The following URI1 variants were observed in gnomAD, a reference collection of about 807,000 sequenced individuals.
URI1 encodes URI1 prefoldin like chaperone, also known as unconventional prefoldin RPB5 interactor 1.
A neutral mutation model predicts 60.2 loss-of-function variants in URI1; 39 were observed. That is an observed-to-expected ratio of 0.65 (90% confidence interval 0.50 to 0.85). URI1 has a LOEUF of 0.85. Among genes scored for constraint, URI1 ranks in the 40% least tolerant of loss-of-function variants. URI1 has a pLI of 0.00. For missense variants in URI1, 691 were observed against 665.9 expected (o/e 1.04, Z -0.42); for synonymous variants, 251 against 236.8 (o/e 1.06, Z -0.55).
intron 9 of URI1, among the ~76,000 whole-genome samples, chr19:30,011,863 A>C (rs543864861): frequency 7.5e-6 from 1 of 133,620 alleles, no homozygotes; most frequent in Non-Finnish European, 1.6e-5. Flanking sequence ...ACACTTGGAC[A>C]CAGGGTGGGG....
rs569035513 is a variant in URI1 at position 29,980,082 on chromosome 19, T to C, written c.153-5141T>C. On this transcript the variant is annotated intron_variant, in intron 2 of 10. Transcript: ENST00000392271. ...TGAAAAAAATCATTATTTCTTGCTT[T>C]AGTAACTGGAGGACATCTCTTTATC... is the stretch of plus-strand genomic sequence containing the variant. 4 of 152,282 alleles carry C rather than the reference T, an allele frequency of 2.6e-5. No homozygotes were observed. In the South Asian group the frequency reaches 8.3e-4, roughly 32 times the overall value. The allele number at this position is 152,282 out of a possible 1,614,324, so 9.4% of individuals were successfully genotyped here.
intron 9 of URI1, 51 bp from the exon 10 acceptor site, chr19:30,012,234 C>A: frequency 6.7e-7 from 1 of 1,500,792 alleles, no homozygotes; most frequent in Non-Finnish European, 8.9e-7. Flanking sequence ...AAGTTGTTCT[C>A]AGTTTTATGA....
chr19:29,982,253 C>G (rs1450522781), intron 2 of URI1, among the ~76,000 whole-genome samples: 1 of 152,144 alleles, frequency 6.6e-6, no homozygotes, highest in Non-Finnish European at 1.5e-5. Context: ...TTAAACTGCT[C>G]TCCAGTATGT....
At chr19:29,957,826 C>G (rs2055269084) in intron 1 of URI1, among the ~76,000 whole-genome samples, 1 of 149,542 alleles carries the variant, frequency 6.7e-6, no homozygotes, top group Admixed American at 6.7e-5. Flanking sequence ...GTATATAAAT[C>G]TTCATGTGTT....
intron 1 of URI1, among the ~76,000 whole-genome samples, chr19:29,947,788 C>T (rs928414243): frequency 6.6e-6 from 1 of 152,204 alleles, no homozygotes; most frequent in East Asian, 1.9e-4. Context: ...GATCAACAGA[C>T]ATTTTTAATT....
chr19:29,933,084 T>A (rs1175477395), intron 1 of URI1, among the ~76,000 whole-genome samples: 1 of 152,252 alleles, frequency 6.6e-6, no homozygotes, highest in South Asian at 2.1e-4. Context: ...TGTGTTTATG[T>A]TCATAAGGAG....
intron 1 of URI1, among the ~76,000 whole-genome samples, chr19:29,962,669 TTTG>T (rs753866313): frequency 6.6e-6 from 1 of 151,968 alleles, no homozygotes; most frequent in Non-Finnish European, 1.5e-5. Context: ...AAGAGTCCTT[TTTG>T]TTGTTGTTGC....
At chr19:29,952,298 A>G (rs1305349195) in intron 1 of URI1, among the ~76,000 whole-genome samples, 1 of 152,260 alleles carries the variant, frequency 6.6e-6, no homozygotes, top group East Asian at 1.9e-4. Flanking sequence ...GAATACTGCC[A>G]CATGTCCTCT....
intron 1 of URI1, among the ~76,000 whole-genome samples, chr19:29,933,816 G>C (rs1049452243): frequency 2.0e-5 from 1 of 51,214 alleles, no homozygotes; most frequent in African/African-American, 8.3e-5. Flanking sequence ...AGTGAGACTC[G>C]ATCTCTTTAA....
At chr19:29,971,081 T>C (rs1271806708) in intron 1 of URI1, 112 bp from the exon 2 acceptor site, 1 of 981,948 alleles carries the variant, frequency 1.0e-6, no homozygotes, top group African/African-American at 1.6e-5. Context: ...AAATGTATAC[T>C]GAGATGCTAT....
At chr19:29,924,038 G>A (rs1038194553) in intron 1 of URI1, among the ~76,000 whole-genome samples, 28 of 152,122 alleles carry the variant, frequency 1.8e-4, no homozygotes, top group African/African-American at 5.3e-4. Context: ...GAGCTTCAAC[G>A]TCCCAGGGCA....
chr19:29,938,476 A>T (rs112038309), upstream of URI1, among the ~76,000 whole-genome samples: 92 of 152,206 alleles, frequency 6.0e-4, no homozygotes, highest in African/African-American at 2.0e-3. Flanking sequence ...CACTTCCAAC[A>T]TTAGGGATCA....
At position 29,942,641 on chromosome 19, in the gene URI1, C is replaced by T. The variant is rs761282463; in HGVS notation, c.94C>T (p.Arg32Trp). 2.5e-5 allele frequency: 37 copies of T among 1,456,212 alleles called. No individual in the cohort carries two copies. The highest frequency in any genetic ancestry group is 3.2e-5 in the Non-Finnish European group (35 of 1,106,848). The allele number at this position is 1,456,212 out of a possible 1,614,324, so 90.2% of individuals were successfully genotyped here. A position where few individuals can be genotyped will look rare whatever the true frequency, so the allele number is the denominator to read the frequency against. The change falls in exon 1 of 11, where the codon CGG becomes TGG. Residue 32 changes from arginine to tryptophan, a missense_variant. Coordinates refer to ENST00000392271, the MANE Select transcript of URI1 (RefSeq NM_003796.3). ...TCCGTTGCGCGCCCCGGATGTGGCG[C>T]GGCTGCGCGAGGAGCAGGAAAAGGT... ...LVPLRAPDVA[R>W]LREEQEKVVT...
intron 1 of URI1, among the ~76,000 whole-genome samples, chr19:29,959,147 A>G (rs2055289221): frequency 6.6e-6 from 1 of 152,046 alleles, no homozygotes; most frequent in Admixed American, 6.5e-5. Flanking sequence ...TGTTTTTTTG[A>G]AACAGAATCT....
chr19:29,980,638 A>AAT (rs1310142002), intron 2 of URI1, among the ~76,000 whole-genome samples: 1 of 147,670 alleles, frequency 6.8e-6, no homozygotes, highest in Non-Finnish European at 1.5e-5. Context: ...AAAAAAAAAA[A>AAT]ACTGGGCCAG....
intron 1 of URI1, among the ~76,000 whole-genome samples, chr19:29,968,142 G>A (rs1252548743): frequency 2.0e-5 from 3 of 152,140 alleles, no homozygotes; most frequent in African/African-American, 4.8e-5. Context: ...GAGTGTAAAC[G>A]AGGTCATTAT....
chr19:30,011,616 C>T (rs1311890719), intron 9 of URI1, among the ~76,000 whole-genome samples: 1 of 148,556 alleles, frequency 6.7e-6, no homozygotes, highest in East Asian at 2.0e-4. Context: ...TATACTGTTG[C>T]AGGTTTTTTT....
At chr19:29,947,502 C>G (rs2055117371) in intron 1 of URI1, among the ~76,000 whole-genome samples, 1 of 152,206 alleles carries the variant, frequency 6.6e-6, no homozygotes. Flanking sequence ...GAAGTTCTCC[C>G]TGCTTCAGTC....
upstream of URI1, among the ~76,000 whole-genome samples, chr19:29,940,521 C>T (rs749165093): frequency 2.6e-5 from 4 of 151,982 alleles, no homozygotes; most frequent in African/African-American, 7.3e-5. Context: ...TGGTGGCACG[C>T]GCCTGTAGTC....
Sources: allele counts gnomAD v4.1 joint callset (sites outside exome capture counted in the v4.1 genomes callset), GRCh38; gene constraint gnomAD v4.1.1; transcripts MANE v1.5; gene names NCBI Gene and HGNC (gene_info 2026-07-23, HGNC 2026-07-21).